The following CSMD3 variants were observed in gnomAD, a reference collection of about 807,000 sequenced individuals.
CSMD3 encodes CUB and sushi domain-containing protein 3.
CSMD3 carries 177 observed loss-of-function variants against 435.2 expected under a neutral mutation model. That is an observed-to-expected ratio of 0.41 (90% confidence interval 0.36 to 0.46). CSMD3 has a LOEUF of 0.46. Ranked by LOEUF, CSMD3 falls within the 20% of genes least tolerant of loss-of-function variation. The pLI, the probability that CSMD3 is intolerant of heterozygous loss-of-function variation, is 0.34. For missense variants in CSMD3, 4,265 were observed against 4,504.6 expected (o/e 0.95, Z 1.52); for synonymous variants, 1,656 against 1,520.5 (o/e 1.09, Z -2.07).
intron 3 of CSMD3, among the ~76,000 whole-genome samples, chr8:113,216,856 A>T (rs924260937): frequency 6.6e-6 from 1 of 151,860 alleles, no homozygotes; most frequent in Non-Finnish European, 1.5e-5. Context: ...GGGAGGAGGA[A>T]GTCAAGAAGG....
At chr8:112,598,304 C>T (rs545979667) in intron 22 of CSMD3, among the ~76,000 whole-genome samples, 38 of 147,560 alleles carry the variant, frequency 2.6e-4, no homozygotes, top group African/African-American at 9.2e-4. Context: ...AGGAATCCAA[C>T]TTACAAGGGA....
chr8:112,628,641 A>G (rs1207071738), intron 22 of CSMD3, among the ~76,000 whole-genome samples: 1 of 152,186 alleles, frequency 6.6e-6, no homozygotes, highest in Non-Finnish European at 1.5e-5. Context: ...TCGATATTAT[A>G]TATTCATTTC....
At chr8:113,365,621 G>T (rs1028507667) in intron 1 of CSMD3, among the ~76,000 whole-genome samples, 6 of 151,994 alleles carry the variant, frequency 3.9e-5, no homozygotes, top group African/African-American at 1.4e-4. Context: ...AATCATAGAC[G>T]TTGGCTGAGC....
intron 3 of CSMD3, among the ~76,000 whole-genome samples, chr8:113,201,656 T>G (rs927674982): frequency 6.6e-6 from 1 of 151,992 alleles, no homozygotes; most frequent in Admixed American, 6.6e-5. Flanking sequence ...CTTTTCAACT[T>G]TGGCTATTAC....
chr8:113,123,758 C>T (rs1418774453), intron 4 of CSMD3, among the ~76,000 whole-genome samples: 1 of 151,890 alleles, frequency 6.6e-6, no homozygotes, highest in Non-Finnish European at 1.5e-5. Context: ...GTAGAGAGTG[C>T]ATTATTCATA....
chr8:112,934,059 A>C (rs2083202420), intron 9 of CSMD3, among the ~76,000 whole-genome samples: 1 of 152,170 alleles, frequency 6.6e-6, no homozygotes, highest in African/African-American at 2.4e-5. Flanking sequence ...CAATGTCTGC[A>C]GTGGGTACAC....
At chr8:112,308,210 G>A (rs1335160459) in intron 50 of CSMD3, among the ~76,000 whole-genome samples, 1 of 152,008 alleles carries the variant, frequency 6.6e-6, no homozygotes, top group Non-Finnish European at 1.5e-5. Context: ...GTCTGATAAA[G>A]CAATGTTTAT....
chr8:112,999,745 C>T (rs1033183833), intron 6 of CSMD3, among the ~76,000 whole-genome samples: 27 of 150,936 alleles, frequency 1.8e-4, no homozygotes, highest in Admixed American at 1.7e-3. Flanking sequence ...GTTTTGAAAG[C>T]AGAGCAAGGC....
intron 59 of CSMD3, among the ~76,000 whole-genome samples, 157 bp downstream of exon 59, chr8:112,281,017 C>A (rs951719065): frequency 1.3e-5 from 2 of 152,110 alleles, no homozygotes; most frequent in African/African-American, 4.8e-5. Context: ...AGTATACACT[C>A]AGCCATGGTA....
intron 27 of CSMD3, 86 bp from the exon 28 acceptor site, chr8:112,517,311 TA>T (rs1823778435): frequency 1.0e-6 from 1 of 1,002,118 alleles, no homozygotes. Context: ...AATTAATTTT[TA>T]AAATTTTGGG....
chr8:112,945,892 T>A lies in CSMD3; in HGVS notation c.1508+1898A>T, dbSNP rs569864803. ...TCCTTCCCTGCCGGTGGGACACATA[T>A]ACTTCTTCCAATATCCACGGGAGTA... On this transcript the variant is annotated intron_variant, in intron 9 of 70. Transcript: ENST00000297405. 3.3e-5 allele frequency among the ~76,000 whole-genome samples: 5 copies of A among 151,796 alleles called. No individual in the cohort carries two copies. The South Asian group carries it at 1.0e-3, about 31-fold the overall frequency.
chr8:113,259,563 C>T (rs901658439), intron 3 of CSMD3, among the ~76,000 whole-genome samples: 1 of 148,404 alleles, frequency 6.7e-6, no homozygotes, highest in Non-Finnish European at 1.5e-5. Flanking sequence ...CCATGTAGAA[C>T]ATGAGTGTAG....
intron 63 of CSMD3, among the ~76,000 whole-genome samples, chr8:112,252,797 T>A (rs535521217): frequency 5.3e-5 from 8 of 151,108 alleles, no homozygotes; most frequent in African/African-American, 1.7e-4. Flanking sequence ...GATAGTTATA[T>A]AATTGTATAT....
At chr8:112,459,204 G>A (rs17647111) in intron 32 of CSMD3, among the ~76,000 whole-genome samples, 28,206 of 151,792 alleles carry the variant, frequency 0.19, 3,204 homozygotes, top group Middle Eastern at 0.36. Context: ...CTCATCCTTC[G>A]ATTTTCAGCA....
At chr8:113,067,954 TG>T (rs2088933813) in intron 5 of CSMD3, among the ~76,000 whole-genome samples, 2 of 152,088 alleles carry the variant, frequency 1.3e-5, no homozygotes, top group African/African-American at 4.8e-5. Context: ...GAAACATAAT[TG>T]CACTGCTCTG....
At chr8:112,432,119 T>C (rs1586303628) in intron 32 of CSMD3, among the ~76,000 whole-genome samples, 1 of 151,342 alleles carries the variant, frequency 6.6e-6, no homozygotes, top group South Asian at 2.1e-4. Context: ...AAAAAATGAG[T>C]GAGCAAAGCA....
At chr8:112,449,271 T>C (rs1282703742) in intron 32 of CSMD3, among the ~76,000 whole-genome samples, 1 of 152,182 alleles carries the variant, frequency 6.6e-6, no homozygotes, top group African/African-American at 2.4e-5. Context: ...GGAAAAAAGA[T>C]TTATTTTGTT....
intron 22 of CSMD3, among the ~76,000 whole-genome samples, chr8:112,598,703 G>C (rs1832008515): frequency 1.3e-5 from 2 of 150,098 alleles, no homozygotes; most frequent in Non-Finnish European, 3.0e-5. Context: ...AGAGCCCTCA[G>C]AAATAATGCC....
Position 112,351,626 on chromosome 8 carries a change from T to C in CSMD3, c.6256-382A>G, listed in dbSNP as rs150120274. Reference sequence around the variant, plus strand: ...AGGTGAAGTAGGTTAAAGAATAATTTTAAAATTTTTTCACAAAAATATTAA... The same window carrying C: ...AGGTGAAGTAGGTTAAAGAATAATTCTAAAATTTTTTCACAAAAATATTAA... On this transcript the variant is annotated intron_variant, in intron 39 of 70. Coordinates refer to ENST00000297405, the MANE Select transcript of CSMD3 (RefSeq NM_198123.2). 2.7e-3 allele frequency among the ~76,000 whole-genome samples: 409 copies of C among 152,090 alleles called. 2 individuals carry two copies. The highest frequency in any genetic ancestry group is 9.5e-3 in the African/African-American group (395 of 41,550).
Sources: allele counts gnomAD v4.1 joint callset (sites outside exome capture counted in the v4.1 genomes callset), GRCh38; gene constraint gnomAD v4.1.1; transcripts MANE v1.5; gene names NCBI Gene and HGNC (gene_info 2026-07-23, HGNC 2026-07-21).